Variants in MAPK8IP3 observed in about 807,000 individuals in gnomAD.
MAPK8IP3 encodes the protein C-Jun-amino-terminal kinase-interacting protein 3.
A neutral mutation model predicts 157.8 loss-of-function variants in MAPK8IP3; 49 were observed. That is an observed-to-expected ratio of 0.31 (90% CI 0.25 to 0.39). The LOEUF (loss-of-function observed/expected upper bound fraction) is 0.39. Ranked by LOEUF, MAPK8IP3 falls within the 10% of genes least tolerant of loss-of-function variation. The probability of loss-of-function intolerance (pLI) is 1.00; values close to 1 mark genes in which losing one functional copy is unlikely to be tolerated. For missense variants in MAPK8IP3, 1,478 were observed against 1,889.4 expected, an observed-to-expected ratio of 0.78 and a Z score of 4.04; for synonymous variants, 897 against 777.7, an observed-to-expected ratio of 1.15 and a Z score of -2.55.
chr16:1,750,306 A>G (rs1306722987), intron 8 of MAPK8IP3, among the ~76,000 whole-genome samples: 1 of 151,452 alleles, frequency 6.6e-6, no homozygotes, highest in Non-Finnish European at 1.5e-5. Context: ...TCCGCCTCCC[A>G]GGTTCAAGCA....
intron 8 of MAPK8IP3, chr16:1,748,933 A>C (rs1482062799): frequency 1.4e-6 from 1 of 703,032 alleles, no homozygotes. Flanking sequence ...CCAAAATCTG[A>C]GGCTTCTCAA....
rs1468475085 is a variant in MAPK8IP3 at position 1,710,558 on chromosome 16, A to C, written c.318+3901A>C. Among the ~76,000 whole-genome samples, 4 of 152,188 alleles carry C rather than the reference A, an allele frequency of 2.6e-5. No individual in the cohort carries two copies. Among genetic ancestry groups the C allele is most frequent in the Non-Finnish European group, 5.9e-5 (4 of 68,030 alleles). ...GGTAGGATTCAGCTGGAGAAAACAA[A>C]CACCATAATCCCGCTCTACAGAGAT... is the stretch of plus-strand genomic sequence containing the variant. On this transcript the variant is annotated intron_variant, in intron 1 of 31. Coordinates refer to ENST00000610761, the MANE Select transcript of MAPK8IP3 (RefSeq NM_001318852.2). This position sits in a 1 kb window ranked among gnomAD's most constrained non-coding sequence, Gnocchi z 4.1.
chr16:1,738,551 C>T (rs548668290), intron 4 of MAPK8IP3, among the ~76,000 whole-genome samples: 6 of 118,120 alleles, frequency 5.1e-5, no homozygotes, highest in African/African-American at 6.8e-5. Context: ...TGTGAGCATC[C>T]GTGTGAGCGT....
chr16:1,722,179 C>T (rs547888704), intron 1 of MAPK8IP3, among the ~76,000 whole-genome samples: 4 of 152,240 alleles, frequency 2.6e-5, no homozygotes, highest in East Asian at 3.9e-4. Context: ...TTTGTACCGC[C>T]GCACAAAAAA....
intron 6 of MAPK8IP3, 64 bp from the exon 7 acceptor site, chr16:1,748,180 C>T (rs977143383): frequency 1.6e-5 from 21 of 1,282,326 alleles, no homozygotes; most frequent in Middle Eastern, 4.0e-4. Flanking sequence ...CGAGGGCAGC[C>T]GTGAGCAGGG....
rs1181264376 is a variant in MAPK8IP3 at position 1,727,835 on chromosome 16, AC to A, written c.440-1297del. 1.2e-4 allele frequency among the ~76,000 whole-genome samples: 18 copies of A among 152,168 alleles called. No individual in the cohort carries two copies. In the East Asian group the frequency reaches 3.1e-3, roughly 26 times the overall value. ...CCTCCAAGGATGTGCCAGGCCAGTT[AC>A]CCCCCAGATCACAGAGCAGGATGGC... On this transcript the variant is annotated intron_variant, in intron 2 of 31. Transcript: ENST00000610761.
chr16:1,727,044 C>T (rs2038926884), intron 2 of MAPK8IP3, among the ~76,000 whole-genome samples: 1 of 147,150 alleles, frequency 6.8e-6, no homozygotes, highest in Non-Finnish European at 1.5e-5. Context: ...GAGTCATGTG[C>T]TGTGTGCTGT....
chr16:1,765,685 G>C (rs1281616756), intron 20 of MAPK8IP3, among the ~76,000 whole-genome samples: 1 of 152,202 alleles, frequency 6.6e-6, no homozygotes, highest in African/African-American at 2.4e-5. Context: ...CTGAGGGTCT[G>C]CCACAGGATC....
At chr16:1,717,465 C>A (rs2038230839) in intron 1 of MAPK8IP3, among the ~76,000 whole-genome samples, 1 of 152,170 alleles carries the variant, frequency 6.6e-6, no homozygotes. Context: ...ATTTTGTAAT[C>A]TCAAGTCATT....
Position 1,737,507 on chromosome 16 carries a change from C to T in MAPK8IP3, c.603-5825C>T, listed in dbSNP as rs546937582. On this transcript the variant is annotated intron_variant, in intron 4 of 31. Transcript: ENST00000610761. Reference sequence around the variant, plus strand: ...CCGTCCGTGTGAGCGTCCGTGTGAGCGTGTGACCGTCCGTGTGAGTGTGTG... The same window carrying T: ...CCGTCCGTGTGAGCGTCCGTGTGAGTGTGTGACCGTCCGTGTGAGTGTGTG... Among the ~76,000 whole-genome samples, 16 of 72,996 alleles carry T rather than the reference C, an allele frequency of 2.2e-4. 1 individual carries two copies. The South Asian group carries it at 9.8e-3, about 45-fold the overall frequency. 47.9% of individuals were successfully genotyped at this position (72,996 alleles called of 152,430 possible). A position where few individuals can be genotyped will look rare whatever the true frequency, so the allele number is the denominator to read the frequency against.
chr16:1,759,745 T>C (rs1200816774), intron 10 of MAPK8IP3, among the ~76,000 whole-genome samples: 1 of 152,178 alleles, frequency 6.6e-6, no homozygotes, highest in East Asian at 1.9e-4. Flanking sequence ...TGGTCGGACA[T>C]GAGAACCACC....
Position 1,747,245 on chromosome 16 carries a change from G to A in MAPK8IP3, c.964G>A (p.Val322Ile). 1 of 1,613,766 alleles carries A rather than the reference G, an allele frequency of 6.2e-7. No homozygotes were observed. The highest frequency in any genetic ancestry group is 8.5e-7 in the Non-Finnish European group (1 of 1,180,016). ...KRDSRNMEVQ[V>I]TQEMRNVSIG... is the part of the protein sequence containing the mutation. Reference sequence around the variant, plus strand: ...CGACAGCCGCAACATGGAAGTACAGGTCACCCAGGAGATGCGCAACGTCAG... The same window carrying A: ...CGACAGCCGCAACATGGAAGTACAGATCACCCAGGAGATGCGCAACGTCAG... The change falls in exon 6 of 32, where the codon GTC (valine) becomes ATC (isoleucine). Residue 322 changes from valine (V) to isoleucine (I), a missense_variant. By Grantham distance (29) the Val-to-Ile change is conservative. This residue lies in a region of MAPK8IP3 where 315 missense variants were observed against 394.4 expected (regional missense o/e 0.80). Coordinates refer to ENST00000610761, the MANE Select transcript of MAPK8IP3 (RefSeq NM_001318852.2).
intron 16 of MAPK8IP3, among the ~76,000 whole-genome samples, chr16:1,763,348 G>C (rs750643714): frequency 6.6e-6 from 1 of 152,246 alleles, no homozygotes; most frequent in Non-Finnish European, 1.5e-5. Context: ...CCTGTGCCCC[G>C]GCGGCACTCC....
Position 1,742,641 on chromosome 16 carries a change from C to T in MAPK8IP3, c.603-691C>T, listed in dbSNP as rs1031405476. 1.3e-5 allele frequency among the ~76,000 whole-genome samples: 2 copies of T among 152,204 alleles called. No homozygotes were observed. The highest frequency in any genetic ancestry group is 2.9e-5 in the Non-Finnish European group (2 of 68,040). ...CACAGGGGCAGGAAGGCTGGATTCC[C>T]TCTGCTGGCGCCAGGGGAACAGGCA... On this transcript the variant is annotated intron_variant, in intron 4 of 31. Coordinates refer to ENST00000610761, the MANE Select transcript of MAPK8IP3 (RefSeq NM_001318852.2). This position sits in a 1 kb window ranked among gnomAD's most constrained non-coding sequence, Gnocchi z 5.0.
chr16:1,766,220 G>A lies in MAPK8IP3; in HGVS notation c.2630G>A (p.Gly877Glu), dbSNP rs771446508. ...CCCAAGCTCACCTCTCCTAACACAG[G>A]GGAGGTGGCCACCATCGCCAACGGG... ...GDTPVLDKGQ[G>E]EVATIANGKV... Residue 877 changes from glycine to glutamate, a missense_variant and splice_region_variant, in exon 22 of 32, where the codon GGG becomes GAG. By Grantham distance (98) the Gly-to-Glu change is moderately conservative. Coordinates refer to ENST00000610761, the MANE Select transcript of MAPK8IP3 (RefSeq NM_001318852.2). 5.6e-6 allele frequency: 9 copies of A among 1,608,962 alleles called. No homozygotes were observed. Among genetic ancestry groups the A allele is most frequent in the African/African-American group, 2.7e-5 (2 of 74,892 alleles).
chr16:1,767,004 C>T, intron 25 of MAPK8IP3, 33 bp downstream of exon 25: 2 of 1,569,408 alleles, frequency 1.3e-6, no homozygotes, highest in Non-Finnish European at 1.7e-6. Context: ...GTGTGGGTGG[C>T]AGCTGATGGC....
intron 4 of MAPK8IP3, among the ~76,000 whole-genome samples, chr16:1,739,080 C>A (rs142139964): frequency 0.02 from 2,309 of 114,852 alleles, 51 homozygotes; most frequent in African/African-American, 0.075. Flanking sequence ...GTGAGTGTGA[C>A]CATCCATGTG....
chr16:1,725,338 A>AG, intron 2 of MAPK8IP3, among the ~76,000 whole-genome samples: 1 of 151,790 alleles, frequency 6.6e-6, no homozygotes, highest in Non-Finnish European at 1.5e-5. Flanking sequence ...TCTTAAAAAA[A>AG]AAAAAAAGGC....
chr16:1,712,485 T>TC (rs142740637), intron 1 of MAPK8IP3, among the ~76,000 whole-genome samples: 73 of 151,986 alleles, frequency 4.8e-4, no homozygotes, highest in Non-Finnish European at 8.1e-4. Context: ...CAGAGAACCC[T>TC]CACAAAGCAT....
Sources: gnomAD v4.1 joint callset for allele counts (sites outside exome capture counted in the v4.1 genomes callset) on GRCh38, gnomAD v4.1.1 for gene constraint, gnomAD v4.1.1 regional missense constraint, Gnocchi (gnomAD v3.1) non-coding constraint, MANE v1.5 for transcripts, NCBI Gene and HGNC (gene_info 2026-07-23, HGNC 2026-07-21) for gene names.